MROH2A: variants seen among roughly 807,000 people sequenced by gnomAD.
The protein encoded by MROH2A is maestro heat like repeat family member 2A, also known as maestro heat-like repeat-containing protein family member 2A.
In MROH2A, 174 loss-of-function variants were observed where a neutral mutation model predicts 200.4. The ratio of observed to expected loss-of-function variants is 0.87; its 90% confidence interval spans 0.77 to 0.98. The LOEUF is 0.98. Among genes scored for constraint, MROH2A ranks in the 50% least tolerant of loss-of-function variants. MROH2A has a pLI of 0.00. For missense variants in MROH2A, 2,045 were observed against 2,139.6 expected, an observed-to-expected ratio of 0.96 and a Z score of 0.87; for synonymous variants, 829 against 840.4, an observed-to-expected ratio of 0.99 and a Z score of 0.23.
rs1704529268 is a variant in MROH2A, at chr2:233,829,016, G to C, written c.4390G>C (p.Asp1464His). 6.5e-7 allele frequency: 1 copy of C among 1,550,044 alleles called. No individual in the cohort carries two copies. Among genetic ancestry groups the C allele is most frequent in the Non-Finnish European group, 8.7e-7 (1 of 1,146,814 alleles). ...TKILAELREG[D>H]VGSSFDAMSE... ...GATCCTGGCTGAGCTCCGGGAAGGG[G>C]ATGTGGGGTCCTCTTTCGACGCCAT... Residue 1464 changes from aspartate to histidine, a missense_variant, in exon 37 of 42, where the codon GAT becomes CAT. Physicochemically the swap from Asp to His is moderately conservative, Grantham distance 81 (BLOSUM62 -1). Around this residue, in one of 3 missense-constraint regions of MROH2A, gnomAD observed 1,201 missense variants for 1,311.3 expected, o/e 0.92. Transcript: ENST00000389758.
Position 233,822,108 on chromosome 2 carries a change from C to T in MROH2A, c.3513-16C>T, listed in dbSNP as rs572255600. On this transcript the variant is annotated splice_polypyrimidine_tract_variant and intron_variant, in intron 31 of 41. Coordinates refer to ENST00000389758, the MANE Select transcript of MROH2A (RefSeq NM_001394639.1). ...TGCCAGGAAACTCACAGTCCTTGTG[C>T]CCTGACTTTGGTTAGCCACCTGGCA... 25 of 1,545,708 alleles carry T rather than the reference C, an allele frequency of 1.6e-5. No individual in the cohort carries two copies. The highest frequency in any genetic ancestry group is 9.8e-5 in the East Asian group (4 of 40,800).
At chr2:233,803,633 A>C in intron 16 of MROH2A, 145 bp downstream of exon 16, 1 of 843,054 alleles carries the variant, frequency 1.2e-6, no homozygotes, top group Non-Finnish European at 1.8e-6. Context: ...AGGACAGATC[A>C]TTCCATGTCC....
intron 33 of MROH2A, 86 bp from the exon 34 acceptor site, chr2:233,822,795 G>A: frequency 6.7e-7 from 1 of 1,502,974 alleles, no homozygotes; most frequent in Non-Finnish European, 9.0e-7. Context: ...GCAGGCACTG[G>A]GGCCCCACTT....
intron 8 of MROH2A, among the ~76,000 whole-genome samples, chr2:233,794,763 C>A (rs1217103925): frequency 6.6e-6 from 1 of 152,142 alleles, no homozygotes; most frequent in Non-Finnish European, 1.5e-5. Flanking sequence ...GTGGCCTTTG[C>A]ATTAGTTTGT....
chr2:233,806,724 A>T (rs778806609), intron 19 of MROH2A, among the ~76,000 whole-genome samples: 33 of 152,254 alleles, frequency 2.2e-4, no homozygotes, highest in Non-Finnish European at 4.3e-4. Context: ...CTCCCCCTTT[A>T]ACACGTATAA....
chr2:233,828,985 G>C lies in MROH2A; in HGVS notation c.4359G>C (p.Leu1453=), dbSNP rs1305868736. ...TGACTGCCGAGGGCATGGAGGCCCT[G>C]ACCAAGATCCTGGCTGAGCTCCGGG... ...NSVTAEGMEA[L]TKILAELREG... is the part of the protein sequence containing the mutation. The change falls in exon 37 of 42, where the codon CTG becomes CTC. Residue 1453 remains leucine, a synonymous_variant. Coordinates refer to ENST00000389758, the MANE Select transcript of MROH2A (RefSeq NM_001394639.1). The surrounding 1 kb of genome is among the most constrained non-coding windows in gnomAD (Gnocchi z 4.6). The C allele has an allele frequency of 6.4e-7, 1 of 1,550,422 alleles. No homozygotes were observed. The highest frequency in any genetic ancestry group is 8.7e-7 in the Non-Finnish European group (1 of 1,146,974).
intron 23 of MROH2A, among the ~76,000 whole-genome samples, chr2:233,811,465 A>G (rs948671424): frequency 2.0e-5 from 3 of 152,206 alleles, no homozygotes; most frequent in Non-Finnish European, 2.9e-5. Flanking sequence ...CTTAAGGGAC[A>G]TGAGATTGGG....
Position 233,822,540 on chromosome 2 carries a change from G to A in MROH2A, c.3850G>A (p.Glu1284Lys), listed in dbSNP as rs565821750. The change falls in exon 33 of 42, where the codon GAG becomes AAG. Residue 1284 changes from glutamate (E) to lysine (K), a missense_variant. Coordinates refer to ENST00000389758, the MANE Select transcript of MROH2A (RefSeq NM_001394639.1). The stretch of plus-strand genomic sequence containing the variant: ...GGTCCACACCACTCCTCTGCCGGAG[G>A]AGATGAACCTGCAAAGGTGCTCTCG... The part of the protein sequence containing the change: ...KLVHTTPLPE[E>K]MNLQRVTIKS... The A allele has an allele frequency of 1.2e-5, 18 of 1,549,912 alleles. No homozygotes were observed. In the African/African-American group the frequency reaches 1.6e-4, roughly 14 times the overall value.
At chr2:233,795,427 G>T (rs958453950) in intron 8 of MROH2A, among the ~76,000 whole-genome samples, 1 of 152,164 alleles carries the variant, frequency 6.6e-6, no homozygotes, top group African/African-American at 2.4e-5. Context: ...GGGGCCTAGC[G>T]CAGCACTTCC....
At position 233,822,403 on chromosome 2, in the gene MROH2A, A is replaced by G; in HGVS notation, c.3713A>G (p.Glu1238Gly). 1 of 1,551,112 alleles carries G rather than the reference A, an allele frequency of 6.4e-7. No individual in the cohort carries two copies. Among genetic ancestry groups the G allele is most frequent in the Non-Finnish European group, 8.7e-7 (1 of 1,147,104 alleles). ...TIHLLIQKLD[E>G]NDKLPDFLPD... Reference sequence around the variant, plus strand: ...CACCTTCTCATTCAGAAGCTGGATGAGAATGACAAGCTCCCGGACTTCCTC... The same window carrying G: ...CACCTTCTCATTCAGAAGCTGGATGGGAATGACAAGCTCCCGGACTTCCTC... Residue 1238 changes from glutamate (E) to glycine (G), a missense_variant, in exon 33 of 42, where the codon GAG becomes GGG. Coordinates refer to ENST00000389758, the MANE Select transcript of MROH2A (RefSeq NM_001394639.1).
rs967875828 is a variant in MROH2A at position 233,795,967 on chromosome 2, G to T, written c.1060G>T (p.Val354Leu). 1.2e-5 allele frequency: 19 copies of T among 1,550,456 alleles called. No homozygotes were observed. Among genetic ancestry groups the T allele is most frequent in the Non-Finnish European group, 1.7e-5 (19 of 1,146,966 alleles). The stretch of plus-strand genomic sequence containing the variant: ...AGCCTCACTGCACGTCCCTCACCAG[G>T]TGTGCAACAAGGCCCCGGCCCAGCA... ...HTIFTELHVQ[V>L]CNKAPAQHQY... The change falls in exon 10 of 42, where the codon GTG becomes TTG. Residue 354 changes from valine (V) to leucine (L), a missense_variant and splice_region_variant. Val to Leu is a conservative substitution (Grantham distance 32). Coordinates refer to ENST00000389758, the MANE Select transcript of MROH2A (RefSeq NM_001394639.1).
At chr2:233,804,682 C>T (rs568808747) in intron 18 of MROH2A, 135 bp downstream of exon 18, 11 of 809,860 alleles carry the variant, frequency 1.4e-5, no homozygotes, top group Middle Eastern at 2.9e-4. Context: ...TCAGAGAAGA[C>T]TTGGGAGTTA....
chr2:233,818,322 G>T (rs1186330750), intron 28 of MROH2A, among the ~76,000 whole-genome samples, 197 bp downstream of exon 28: 1 of 152,186 alleles, frequency 6.6e-6, no homozygotes, highest in Non-Finnish European at 1.5e-5. Flanking sequence ...CAGAAGGAGA[G>T]GTTCATTAGC....
chr2:233,782,196 G>T (rs1485213295), intron 3 of MROH2A, among the ~76,000 whole-genome samples: 1 of 152,076 alleles, frequency 6.6e-6, no homozygotes, highest in East Asian at 1.9e-4. Context: ...GGATTGGTTT[G>T]TCTGTTTGGA....
At position 233,803,548 on chromosome 2, in the gene MROH2A, T is replaced by C. The variant is rs543868204; in HGVS notation, c.1749+60T>C. On this transcript the variant is annotated intron_variant, in intron 16 of 41. Coordinates refer to ENST00000389758, the MANE Select transcript of MROH2A (RefSeq NM_001394639.1). ...CAAGGCCATGCCCTGTGGCACCTCTTCTTTAAACTCCTAATTCCCAGAGCC... is the reference window on the plus strand; with the variant it reads ...CAAGGCCATGCCCTGTGGCACCTCTCCTTTAAACTCCTAATTCCCAGAGCC... 9 of 1,525,552 alleles carry C rather than the reference T, an allele frequency of 5.9e-6. No homozygotes were observed. In the African/African-American group the frequency reaches 1.2e-4, roughly 21 times the overall value. 94.5% of individuals were successfully genotyped at this position (1,525,552 alleles called of 1,614,324 possible).
At chr2:233,833,018 T>A in intron 41 of MROH2A, 120 bp from the exon 42 acceptor site, 1 of 1,235,674 alleles carries the variant, frequency 8.1e-7, no homozygotes, top group Non-Finnish European at 1.1e-6. Flanking sequence ...CACACAGGAG[T>A]TTCCCCGTCT....
At chr2:233,832,364 G>C (rs1704822874) in intron 40 of MROH2A, 85 bp downstream of exon 40, 2 of 1,204,354 alleles carry the variant, frequency 1.7e-6, no homozygotes, top group Admixed American at 2.1e-5. Flanking sequence ...GGTGGATCAT[G>C]AGTGGGAGGC....
At chr2:233,824,076 A>G (rs753922434) in intron 35 of MROH2A, among the ~76,000 whole-genome samples, 1 of 152,136 alleles carries the variant, frequency 6.6e-6, no homozygotes, top group Non-Finnish European at 1.5e-5. Flanking sequence ...ATGATGCCCA[A>G]TGCACCCTAG....
At position 233,817,025 on chromosome 2, in the gene MROH2A, C is replaced by A. The variant is rs1280370970; in HGVS notation, c.2961+140C>A. On this transcript the variant is annotated intron_variant, in intron 27 of 41. Coordinates refer to ENST00000389758, the MANE Select transcript of MROH2A (RefSeq NM_001394639.1). Reference sequence around the variant, plus strand: ...GCCCCTTGGGAGAGGCTGCAGTGACCTAGTGCCCTGGGCTGGGTCAGGGAG... The same window carrying A: ...GCCCCTTGGGAGAGGCTGCAGTGACATAGTGCCCTGGGCTGGGTCAGGGAG... The A allele has an allele frequency of 7.9e-5, 46 of 579,138 alleles. No homozygotes were observed. In the East Asian group the frequency reaches 1.3e-3, roughly 16 times the overall value. The allele number at this position is 579,138 out of a possible 1,614,324, so 35.9% of individuals were successfully genotyped here.
Sources: gnomAD v4.1 joint callset for allele counts (sites outside exome capture counted in the v4.1 genomes callset) on GRCh38, gnomAD v4.1.1 for gene constraint, gnomAD v4.1.1 regional missense constraint, Gnocchi (gnomAD v3.1) non-coding constraint, MANE v1.5 for transcripts, NCBI Gene and HGNC (gene_info 2026-07-23, HGNC 2026-07-21) for gene names.